Variants in EPHA5 observed in about 807,000 individuals in gnomAD.
The protein encoded by EPHA5 is ephrin type-A receptor 5.
A neutral mutation model predicts 105.0 loss-of-function variants in EPHA5; 60 were observed. That is an observed-to-expected ratio of 0.57 (90% CI 0.46 to 0.71). EPHA5 has a LOEUF of 0.71. EPHA5 is among the 30% of genes least tolerant of loss of function. The pLI, the probability that EPHA5 is intolerant of heterozygous loss-of-function variation, is 0.00. For missense variants in EPHA5, 1,218 were observed against 1,274.7 expected (o/e 0.96, Z 0.68); for synonymous variants, 513 against 449.1 (o/e 1.14, Z -1.80).
chr4:65,332,444 A>G (rs535306156), intron 15 of EPHA5, among the ~76,000 whole-genome samples: 1 of 151,944 alleles, frequency 6.6e-6, no homozygotes, highest in East Asian at 1.9e-4. Flanking sequence ...TTTTTAGGAC[A>G]ATAAAACCAC....
In EPHA5 at chr4:65,441,893, C is replaced by T. The variant is rs1726050052; in HGVS notation, c.1403-21328G>A. 5.3e-5 allele frequency among the ~76,000 whole-genome samples: 8 copies of T among 152,258 alleles called. No individual in the cohort carries two copies. In the South Asian group the frequency reaches 1.7e-3, roughly 32 times the overall value. On this transcript the variant is annotated intron_variant, in intron 5 of 16. Transcript: ENST00000613740. ...CTTGATTACATCTTTGTTGTAAGTG[C>T]ATGCCTATAATCTTTTTATTCTAAC...
At chr4:65,631,320 A>G (rs1465242991) in intron 2 of EPHA5, among the ~76,000 whole-genome samples, 2 of 152,180 alleles carry the variant, frequency 1.3e-5, no homozygotes, top group African/African-American at 4.8e-5. Flanking sequence ...TATACATAAT[A>G]CCAAGAAAAG....
intron 3 of EPHA5, among the ~76,000 whole-genome samples, chr4:65,530,848 T>C (rs1243485486): frequency 1.1e-4 from 16 of 152,174 alleles, no homozygotes; most frequent in Admixed American, 1.0e-3. Context: ...ATATTGGATG[T>C]AACAGTGTGT....
chr4:65,416,072 A>C lies in EPHA5; in HGVS notation c.1528-1629T>G, dbSNP rs903121859. Among the ~76,000 whole-genome samples the C allele has an allele frequency of 2.0e-5, 3 of 152,204 alleles. No homozygotes were observed. The East Asian group carries it at 5.8e-4, about 29-fold the overall frequency. ...AACTTTCCAGTCTGGCTATGATTGC[A>C]GTAGTAACTCTCAGTAAGTAAGTTA... On this transcript the variant is annotated intron_variant, in intron 6 of 16. Coordinates refer to ENST00000613740, the MANE Select transcript of EPHA5 (RefSeq NM_001281766.3).
chr4:65,418,311 G>T (rs1723588767), intron 6 of EPHA5, among the ~76,000 whole-genome samples: 1 of 152,082 alleles, frequency 6.6e-6, no homozygotes. Flanking sequence ...TTTACAAATT[G>T]TTTTTTGATA....
chr4:65,449,241 G>A (rs184923876), intron 5 of EPHA5, among the ~76,000 whole-genome samples: 65 of 152,100 alleles, frequency 4.3e-4, no homozygotes, highest in African/African-American at 1.4e-3. Context: ...GTTTAAAACC[G>A]TTTTTCAGAA....
At chr4:65,601,609 C>A (rs767328891) in intron 3 of EPHA5, 32 bp downstream of exon 3, 9 of 1,593,760 alleles carry the variant, frequency 5.6e-6, no homozygotes, top group Non-Finnish European at 7.7e-6. Flanking sequence ...CTGAAGCAGA[C>A]AGCCCCTGCA....
intron 8 of EPHA5, among the ~76,000 whole-genome samples, chr4:65,399,563 G>A (rs1217855387): frequency 6.6e-6 from 1 of 152,182 alleles, no homozygotes; most frequent in African/African-American, 2.4e-5. Flanking sequence ...CAGCATAACA[G>A]AATTATTCTT....
intron 3 of EPHA5, among the ~76,000 whole-genome samples, chr4:65,499,138 GA>G (rs1251034147): frequency 2.0e-5 from 3 of 151,516 alleles, no homozygotes; most frequent in African/African-American, 7.3e-5. Flanking sequence ...TTTGTCTTGA[GA>G]AAATAAAAGT....
At position 65,352,307 on chromosome 4, in the gene EPHA5, C is replaced by A. The variant is rs115829180; in HGVS notation, c.2236-709G>T. Among the ~76,000 whole-genome samples the A allele has an allele frequency of 5.1e-3, 769 of 152,090 alleles. 8 individuals carry two copies. Among genetic ancestry groups the A allele is most frequent in the African/African-American group, 0.017 (724 of 41,534 alleles). The stretch of plus-strand genomic sequence containing the variant: ...AAATTCATTGCATAGGTCCCTCTTA[C>A]AATTGTTATCAATGCCATTGGGCTA... On this transcript the variant is annotated intron_variant, in intron 12 of 16. Coordinates refer to ENST00000613740, the MANE Select transcript of EPHA5 (RefSeq NM_001281766.3).
intron 11 of EPHA5, among the ~76,000 whole-genome samples, chr4:65,353,406 A>G (rs775451137): frequency 5.3e-5 from 8 of 150,330 alleles, no homozygotes; most frequent in Non-Finnish European, 1.0e-4. Context: ...CTCTTTAAGA[A>G]AGAAGATAAT....
intron 16 of EPHA5, among the ~76,000 whole-genome samples, chr4:65,327,933 T>G (rs1292429309): frequency 6.6e-6 from 1 of 151,174 alleles, no homozygotes; most frequent in Non-Finnish European, 1.5e-5. Flanking sequence ...TTACATAAAT[T>G]TGATGAAAAT....
intron 2 of EPHA5, among the ~76,000 whole-genome samples, chr4:65,642,837 A>G (rs968610283): frequency 3.3e-5 from 5 of 152,026 alleles, no homozygotes; most frequent in African/African-American, 1.2e-4. Context: ...ACATGATATT[A>G]TAATAGTTTC....
intron 1 of EPHA5, among the ~76,000 whole-genome samples, chr4:65,647,208 T>A (rs10012453): frequency 0.58 from 87,908 of 151,042 alleles, 25,706 homozygotes; most frequent in Middle Eastern, 0.68. Flanking sequence ...GGGTGCCTGT[T>A]GTCCCAGCTA....
intron 2 of EPHA5, among the ~76,000 whole-genome samples, chr4:65,628,136 T>A (rs1746315496): frequency 6.6e-6 from 1 of 152,110 alleles, no homozygotes; most frequent in African/African-American, 2.4e-5. Context: ...TGAAACACAC[T>A]GACGATACTT....
intron 8 of EPHA5, 130 bp downstream of exon 8, chr4:65,404,244 T>G: frequency 3.1e-6 from 2 of 652,874 alleles, no homozygotes; most frequent in African/African-American, 1.8e-5. Flanking sequence ...AATTGCATCA[T>G]GTATTGAGAT....
At chr4:65,480,266 T>C (rs1319449536) in intron 5 of EPHA5, among the ~76,000 whole-genome samples, 1 of 152,226 alleles carries the variant, frequency 6.6e-6, no homozygotes, top group African/African-American at 2.4e-5. Context: ...TTTGAATAAG[T>C]ATGCAGTGAA....
At chr4:65,372,178 A>G (rs997152809) in intron 8 of EPHA5, among the ~76,000 whole-genome samples, 4 of 151,970 alleles carry the variant, frequency 2.6e-5, no homozygotes, top group Non-Finnish European at 5.9e-5. Context: ...AATTTTATAT[A>G]CTGCTGGAAA....
At chr4:65,573,265 G>T (rs1230695553) in intron 3 of EPHA5, among the ~76,000 whole-genome samples, 1 of 151,710 alleles carries the variant, frequency 6.6e-6, no homozygotes, top group Non-Finnish European at 1.5e-5. Flanking sequence ...CAAAAAATTA[G>T]CTGGGCGTGG....
Sources: allele counts gnomAD v4.1 joint callset (sites outside exome capture counted in the v4.1 genomes callset), GRCh38; gene constraint gnomAD v4.1.1; transcripts MANE v1.5; gene names NCBI Gene and HGNC (gene_info 2026-07-23, HGNC 2026-07-21).